Variants in AFF2 observed in about 807,000 individuals in gnomAD.
AFF2 encodes the protein ALF transcription elongation factor 2.
In AFF2, 14 loss-of-function variants were observed where a neutral mutation model predicts 76.9. That is an observed-to-expected ratio of 0.18 (90% CI 0.12 to 0.28). The LOEUF (loss-of-function observed/expected upper bound fraction) is 0.28. Ranked by LOEUF, AFF2 falls within the 10% of genes least tolerant of loss-of-function variation. AFF2 has a pLI of 1.00. For synonymous variants in AFF2, 398 were observed against 366.7 expected, an observed-to-expected ratio of 1.09 and a Z score of -0.98; for missense variants, 868 against 1,001.1, an observed-to-expected ratio of 0.87 and a Z score of 1.79.
intron 3 of AFF2, among the ~76,000 whole-genome samples, chrX:148,679,724 T>C (rs5980572): frequency 0.061 from 6,832 of 111,446 alleles, 517 homozygotes; most frequent in African/African-American, 0.21. Context: ...TTCTGGACTG[T>C]TGAGGCATTA....
At chrX:148,834,923 T>C (rs949103627) in intron 4 of AFF2, among the ~76,000 whole-genome samples, 1 of 112,080 alleles carries the variant, frequency 8.9e-6, no homozygotes, top group Non-Finnish European at 1.9e-5. Context: ...CTGCCTACTG[T>C]AATCAAATGC....
chrX:148,903,423 G>T, intron 8 of AFF2, among the ~76,000 whole-genome samples: 1 of 112,084 alleles, frequency 8.9e-6, no homozygotes, highest in East Asian at 2.8e-4. Flanking sequence ...CTGTGGAGAA[G>T]GAAACAGAAA....
Position 148,710,698 on chromosome X carries a change from T to C in AFF2, c.1041+47930T>C, listed in dbSNP as rs573923127. On this transcript the variant is annotated intron_variant, in intron 3 of 20. Coordinates refer to ENST00000370460, the MANE Select transcript of AFF2 (RefSeq NM_002025.4). ...ATTTTTGGAAAATTTGTTAGAGTAGTGCATTAACCTCATGTAGATAATTTG... is the reference window on the plus strand; with the variant it reads ...ATTTTTGGAAAATTTGTTAGAGTAGCGCATTAACCTCATGTAGATAATTTG... 9.8e-5 allele frequency among the ~76,000 whole-genome samples: 11 copies of C among 112,254 alleles called. No individual in the cohort carries two copies. In the South Asian group the frequency reaches 4.0e-3, roughly 41 times the overall value.
At chrX:148,732,594 AAG>A (rs1459244767) in intron 3 of AFF2, among the ~76,000 whole-genome samples, 1 of 101,437 alleles carries the variant, frequency 9.9e-6, no homozygotes, top group East Asian at 3.0e-4. Context: ...AAAAAAAAGA[AAG>A]AAATACAAGC....
At chrX:148,704,046 C>A (rs1204547818) in intron 3 of AFF2, among the ~76,000 whole-genome samples, 3 of 104,446 alleles carry the variant, frequency 2.9e-5, no homozygotes, top group Non-Finnish European at 3.9e-5. Flanking sequence ...CAGGTGCATG[C>A]CACCACACCC....
At chrX:148,772,520 T>G (rs1290171715) in intron 3 of AFF2, among the ~76,000 whole-genome samples, 1 of 89,879 alleles carries the variant, frequency 1.1e-5, no homozygotes, top group African/African-American at 4.1e-5. Context: ...TTTTTTTCTT[T>G]CTTTTTTTTC....
intron 3 of AFF2, among the ~76,000 whole-genome samples, chrX:148,799,271 A>G (rs1825721178): frequency 8.9e-6 from 1 of 111,888 alleles, no homozygotes; most frequent in East Asian, 2.8e-4. Context: ...CAGGAAAGAT[A>G]AGGGCCACGG....
chrX:148,808,245 A>G (rs1167975344), intron 3 of AFF2, among the ~76,000 whole-genome samples: 1 of 111,768 alleles, frequency 8.9e-6, no homozygotes, highest in African/African-American at 3.3e-5. Flanking sequence ...GATTCTTCAT[A>G]TTCACCTTCC....
intron 1 of AFF2, among the ~76,000 whole-genome samples, chrX:148,645,776 G>A (rs1283721849): frequency 1.8e-5 from 2 of 111,858 alleles, no homozygotes; most frequent in African/African-American, 6.5e-5. Context: ...GGTTATTTGT[G>A]TTCAGTTGGA....
At chrX:148,883,016 C>T (rs971923775) in intron 7 of AFF2, among the ~76,000 whole-genome samples, 3 of 111,393 alleles carry the variant, frequency 2.7e-5, no homozygotes, top group South Asian at 3.8e-4. Flanking sequence ...TAATGTGGAT[C>T]GCTGTGTAGA....
chrX:148,801,685 C>T (rs547837475), intron 3 of AFF2, among the ~76,000 whole-genome samples: 2 of 111,945 alleles, frequency 1.8e-5, no homozygotes, highest in African/African-American at 6.5e-5. Context: ...TTTTGCCACA[C>T]TTTTTCCCTC....
intron 1 of AFF2, among the ~76,000 whole-genome samples, chrX:148,639,985 T>C (rs2054071262): frequency 1.8e-5 from 2 of 112,415 alleles, no homozygotes; most frequent in Non-Finnish European, 3.8e-5. Context: ...TCATCAATGA[T>C]AGTAAGTTTT....
intron 1 of AFF2, among the ~76,000 whole-genome samples, chrX:148,506,454 T>C (rs1487861177): frequency 1.8e-5 from 2 of 111,796 alleles, no homozygotes; most frequent in African/African-American, 6.5e-5. Flanking sequence ...AATTACCATG[T>C]AATTTGACCA....
Position 148,999,153 on chromosome X carries a change from A to G in AFF2, c.*7821A>G, listed in dbSNP as rs1557293833. On this transcript the variant is annotated 3_prime_UTR_variant, in exon 21 of 21. Transcript: ENST00000370460. ...AAATGACTCCACCTATTTTTCCAGT[A>G]GGTAAATTGACTGAGACTTGCAAAA... 1 of 111,489 alleles carries G rather than the reference A, an allele frequency of 9.0e-6. No individual in the cohort carries two copies. Among genetic ancestry groups the G allele is most frequent in the Non-Finnish European group, 1.9e-5 (1 of 53,104 alleles). The allele number at this position is 111,489 out of a possible 1,213,427, so 9.2% of individuals were successfully genotyped here.
chrX:148,829,069 C>T (rs2070421924), intron 4 of AFF2, among the ~76,000 whole-genome samples: 1 of 112,481 alleles, frequency 8.9e-6, no homozygotes, highest in Non-Finnish European at 1.9e-5. Flanking sequence ...TTCCCTTAAA[C>T]AACTGCCAGC....
chrX:148,687,925 C>G (rs1012514699), intron 3 of AFF2, among the ~76,000 whole-genome samples: 3 of 110,463 alleles, frequency 2.7e-5, no homozygotes, highest in Non-Finnish European at 3.8e-5. Flanking sequence ...CTGCCTTGTA[C>G]ACATCTCTAT....
intron 3 of AFF2, among the ~76,000 whole-genome samples, chrX:148,763,592 C>T (rs782360269): frequency 1.8e-5 from 2 of 110,371 alleles, no homozygotes; most frequent in East Asian, 5.6e-4. Context: ...ATAACTAATA[C>T]GTATGTGAGA....
At chrX:148,552,509 C>T (rs2053006986) in intron 1 of AFF2, among the ~76,000 whole-genome samples, 1 of 112,017 alleles carries the variant, frequency 8.9e-6, no homozygotes, top group Non-Finnish European at 1.9e-5. Context: ...TCAGTATCCC[C>T]TTCCCTGAGA....
intron 9 of AFF2, among the ~76,000 whole-genome samples, chrX:148,931,852 A>G (rs1603342388): frequency 1.8e-5 from 2 of 112,134 alleles, no homozygotes; most frequent in African/African-American, 6.5e-5. Context: ...CTTAAATCCA[A>G]CAATTTGGAC....
Sources: allele counts gnomAD v4.1 joint callset (sites outside exome capture counted in the v4.1 genomes callset), GRCh38; gene constraint gnomAD v4.1.1; transcripts MANE v1.5; gene names NCBI Gene and HGNC (gene_info 2026-07-23, HGNC 2026-07-21).